CEP112: variants seen among roughly 807,000 people sequenced by gnomAD.
CEP112 encodes the protein centrosomal protein 112.
Under a neutral mutation model 153.0 loss-of-function variants are expected in CEP112, and 127 were observed. That is an observed-to-expected ratio of 0.83 (90% confidence interval 0.72 to 0.96). The LOEUF (loss-of-function observed/expected upper bound fraction) is 0.96. Among genes scored for constraint, CEP112 ranks in the 40% least tolerant of loss-of-function variants. The pLI is 0.00. For missense variants in CEP112, 1,089 were observed against 1,101.2 expected (o/e 0.99, Z 0.16); for synonymous variants, 358 against 374.4 (o/e 0.96, Z 0.51).
chr17:66,176,325 A>T (rs1196630222), intron 3 of CEP112, among the ~76,000 whole-genome samples: 1 of 152,232 alleles, frequency 6.6e-6, no homozygotes, highest in Non-Finnish European at 1.5e-5. Flanking sequence ...CACCAAGCAT[A>T]ATAATAACTG....
chr17:66,158,998 T>C (rs2071575172), intron 4 of CEP112, among the ~76,000 whole-genome samples: 1 of 151,930 alleles, frequency 6.6e-6, no homozygotes, highest in South Asian at 2.1e-4. Context: ...ATAGACACAA[T>C]AAAAAATGAT....
At chr17:65,639,611 G>T (rs2044985453) in intron 25 of CEP112, among the ~76,000 whole-genome samples, 2 of 151,138 alleles carry the variant, frequency 1.3e-5, no homozygotes, top group Admixed American at 1.3e-4. Context: ...CTTGAACCTG[G>T]GAGGCAGAAG....
intron 4 of CEP112, among the ~76,000 whole-genome samples, chr17:66,173,204 A>G (rs2146851290): frequency 6.6e-6 from 1 of 152,338 alleles, no homozygotes; most frequent in East Asian, 1.9e-4. Context: ...AACAGATGCA[A>G]TAGACATCAA....
intron 23 of CEP112, among the ~76,000 whole-genome samples, chr17:65,736,467 G>A (rs373108092): frequency 1.3e-5 from 2 of 152,182 alleles, no homozygotes; most frequent in African/African-American, 4.8e-5. Context: ...TTTGAATGGT[G>A]ATGAAAATTC....
At chr17:65,669,662 G>T (rs893927099) in intron 24 of CEP112, among the ~76,000 whole-genome samples, 5 of 152,160 alleles carry the variant, frequency 3.3e-5, no homozygotes, top group African/African-American at 1.2e-4. Flanking sequence ...CCAGCACTTT[G>T]GGGGGCCAAG....
chr17:66,176,242 T>A (rs996764721), intron 3 of CEP112, among the ~76,000 whole-genome samples: 2 of 152,168 alleles, frequency 1.3e-5, no homozygotes, highest in Non-Finnish European at 2.9e-5. Context: ...ATTTCTTAAG[T>A]ACAGGCACTC....
At chr17:66,149,878 TTG>T (rs1422792102) in intron 4 of CEP112, among the ~76,000 whole-genome samples, 16 of 64,796 alleles carry the variant, frequency 2.5e-4, no homozygotes, top group Non-Finnish European at 4.2e-4. Flanking sequence ...GTTTTTTTTT[TTG>T]TTTGTTTGTT....
At chr17:65,686,574 C>G (rs1158280100) in intron 24 of CEP112, among the ~76,000 whole-genome samples, 1 of 152,208 alleles carries the variant, frequency 6.6e-6, no homozygotes, top group African/African-American at 2.4e-5. Flanking sequence ...TCTTCTTCTT[C>G]TTTTAATTAC....
At chr17:65,750,416 T>C (rs900393492) in intron 22 of CEP112, among the ~76,000 whole-genome samples, 1 of 152,160 alleles carries the variant, frequency 6.6e-6, no homozygotes, top group Non-Finnish European at 1.5e-5. Context: ...TGAGAGTGTG[T>C]GTATGTGTGT....
intron 20 of CEP112, among the ~76,000 whole-genome samples, chr17:65,867,344 G>A (rs896037083): frequency 1.6e-4 from 25 of 152,172 alleles, no homozygotes; most frequent in South Asian, 8.3e-4. Context: ...CAGGCCAAGT[G>A]GGTGAAACAA....
intron 18 of CEP112, among the ~76,000 whole-genome samples, chr17:65,937,249 A>T (rs1251338801): frequency 9.5e-6 from 1 of 105,456 alleles, no homozygotes; most frequent in Non-Finnish European, 1.9e-5. Flanking sequence ...CCGTCTGGGA[A>T]GTGAGGAGCG....
chr17:65,967,247 G>T (rs1025040079), intron 17 of CEP112, among the ~76,000 whole-genome samples: 1 of 152,154 alleles, frequency 6.6e-6, no homozygotes, highest in African/African-American at 2.4e-5. Flanking sequence ...AAATAGGAAT[G>T]AAGAATCTTC....
chr17:65,976,954 T>A (rs2063059679), intron 17 of CEP112, among the ~76,000 whole-genome samples: 1 of 151,994 alleles, frequency 6.6e-6, no homozygotes, highest in African/African-American at 2.4e-5. Flanking sequence ...GGCCAGGCTG[T>A]CTCAAACTCC....
intron 20 of CEP112, among the ~76,000 whole-genome samples, chr17:65,852,282 C>T (rs2057967842): frequency 3.7e-5 from 1 of 26,914 alleles, no homozygotes; most frequent in Admixed American, 4.4e-4. Context: ...CCCTCCTTCC[C>T]TTCCCCTCCT....
chr17:66,041,148 A>ATTAC, intron 12 of CEP112, among the ~76,000 whole-genome samples: 1 of 151,982 alleles, frequency 6.6e-6, no homozygotes, highest in East Asian at 1.9e-4. Context: ...ATTATCCTAT[A>ATTAC]TTACTAGTCC....
chr17:65,720,168 T>C (rs1598394856), intron 23 of CEP112, among the ~76,000 whole-genome samples: 1 of 151,958 alleles, frequency 6.6e-6, no homozygotes, highest in Non-Finnish European at 1.5e-5. Context: ...CAGCAGCAGG[T>C]TTAAGGGGGT....
chr17:65,674,831 C>G (rs1416500619), intron 24 of CEP112, among the ~76,000 whole-genome samples: 1 of 152,152 alleles, frequency 6.6e-6, no homozygotes, highest in African/African-American at 2.4e-5. Flanking sequence ...TAGGCAGACT[C>G]ACAAGAAGCA....
intron 23 of CEP112, among the ~76,000 whole-genome samples, chr17:65,731,437 C>T (rs958858296): frequency 2.0e-5 from 3 of 152,120 alleles, no homozygotes; most frequent in Non-Finnish European, 4.4e-5. Context: ...CATCTGAGCC[C>T]CCAGAGAGTC....
intron 17 of CEP112, among the ~76,000 whole-genome samples, chr17:65,984,604 A>G (rs962165569): frequency 1.1e-4 from 17 of 152,296 alleles, no homozygotes; most frequent in African/African-American, 3.8e-4. Context: ...ATTATGAAAG[A>G]AAGGAATGGC....
Sources: gnomAD v4.1 joint callset for allele counts (sites outside exome capture counted in the v4.1 genomes callset) on GRCh38, gnomAD v4.1.1 for gene constraint, MANE v1.5 for transcripts, NCBI Gene and HGNC (gene_info 2026-07-23, HGNC 2026-07-21) for gene names.